CDC42BPA: variants seen among roughly 807,000 people sequenced by gnomAD.
CDC42BPA encodes CDC42 binding protein kinase alpha.
Under a neutral mutation model 223.5 loss-of-function variants are expected in CDC42BPA, and 80 were observed. That is an observed-to-expected ratio of 0.36 (90% confidence interval 0.30 to 0.43). The LOEUF (loss-of-function observed/expected upper bound fraction) is 0.43. CDC42BPA is among the 20% of genes least tolerant of loss of function. The pLI is 1.00. For synonymous variants in CDC42BPA, 694 were observed against 718.6 expected (o/e 0.97, Z 0.55); for missense variants, 1,743 against 2,099.9 (o/e 0.83, Z 3.32).
At chr1:227,207,091 C>A (rs1672880980) in intron 3 of CDC42BPA, among the ~76,000 whole-genome samples, 1 of 103,912 alleles carries the variant, frequency 9.6e-6, no homozygotes, top group Non-Finnish European at 1.9e-5. Context: ...CTCCCCCCAC[C>A]CCACAACAGT....
rs67257803 is a variant in CDC42BPA, at chr1:227,216,120, CTA to C, written c.271-2903_271-2902del. On this transcript the variant is annotated intron_variant, in intron 2 of 36. Transcript: ENST00000366766. The stretch of plus-strand genomic sequence containing the variant: ...ATGTACACTGTGACTTTTTCTCTCT[CTA>C]TATATATATATACACACACACACAC... 2.0e-3 allele frequency among the ~76,000 whole-genome samples: 274 copies of C among 136,628 alleles called. 4 individuals are homozygous for C. Among genetic ancestry groups the C allele is most frequent in the African/African-American group, 6.4e-3 (232 of 35,980 alleles). 89.6% of individuals were successfully genotyped at this position (136,628 alleles called of 152,430 possible).
chr1:227,300,659 T>C (rs986206064), intron 1 of CDC42BPA, among the ~76,000 whole-genome samples: 12 of 151,896 alleles, frequency 7.9e-5, no homozygotes, highest in Non-Finnish European at 1.2e-4. Context: ...ATAATGGAGG[T>C]GGAGACTCAG....
Position 226,994,193 on chromosome 1 carries a change from T to G in CDC42BPA, c.*75A>C, listed in dbSNP as rs1572116163. The stretch of plus-strand genomic sequence containing the variant: ...TGGCTTTCAGGCCGAGCAGGCGAGG[T>G]GGAGGGAAGAGATGAAAGTGAGAGG... On this transcript the variant is annotated 3_prime_UTR_variant, in exon 37 of 37. Coordinates refer to ENST00000366766, the MANE Select transcript of CDC42BPA (RefSeq NM_001394014.1). This position sits in a 1 kb window ranked among gnomAD's most constrained non-coding sequence, Gnocchi z 4.0. 3.5e-6 allele frequency: 5 copies of G among 1,440,734 alleles called. No individual in the cohort carries two copies. The highest frequency in any genetic ancestry group is 1.3e-5 in the South Asian group (1 of 78,556). 89.2% of individuals were successfully genotyped at this position (1,440,734 alleles called of 1,614,324 possible).
At chr1:227,282,920 T>C (rs971757013) in intron 1 of CDC42BPA, among the ~76,000 whole-genome samples, 1 of 152,220 alleles carries the variant, frequency 6.6e-6, no homozygotes, top group Non-Finnish European at 1.5e-5. Context: ...ATGATCAGGA[T>C]GGTTGCACAA....
At chr1:227,116,906 A>G (rs1258127422) in intron 12 of CDC42BPA, among the ~76,000 whole-genome samples, 4 of 152,184 alleles carry the variant, frequency 2.6e-5, no homozygotes, top group African/African-American at 4.8e-5. Flanking sequence ...CTCTGGGCTT[A>G]TATTTCCAGA....
intron 1 of CDC42BPA, among the ~76,000 whole-genome samples, chr1:227,300,355 C>T (rs1374158603): frequency 5.9e-5 from 9 of 152,304 alleles, no homozygotes; most frequent in Middle Eastern, 3.4e-3. Context: ...ATCAAAAACA[C>T]ACCTGCACAC....
At chr1:227,018,791 C>T (rs183656477) in intron 32 of CDC42BPA, among the ~76,000 whole-genome samples, 10 of 152,312 alleles carry the variant, frequency 6.6e-5, no homozygotes, top group African/African-American at 2.2e-4. Context: ...TTACATTATA[C>T]TGTAGTCTGT....
At chr1:227,108,344 A>G (rs566953867) in intron 14 of CDC42BPA, among the ~76,000 whole-genome samples, 2 of 151,114 alleles carry the variant, frequency 1.3e-5, no homozygotes, top group East Asian at 1.9e-4. Context: ...CTGGTGATTT[A>G]TTCTTTGACC....
chr1:227,307,008 T>C (rs561743290), intron 1 of CDC42BPA, among the ~76,000 whole-genome samples: 3 of 152,228 alleles, frequency 2.0e-5, no homozygotes, highest in Non-Finnish European at 2.9e-5. Context: ...CTAATTAGCA[T>C]TGTTCTATTT....
intron 5 of CDC42BPA, among the ~76,000 whole-genome samples, chr1:227,168,500 T>TTTTTTTTTTG (rs1558662948): frequency 3.2e-5 from 4 of 123,650 alleles, no homozygotes; most frequent in Non-Finnish European, 6.8e-5. Context: ...CCCTGGTGTT[T>TTTTTTTTTTG]TTTTTTTTTT....
Position 227,060,020 on chromosome 1 carries a change from G to GT in CDC42BPA, c.2905-8036dup, listed in dbSNP as rs143944932. Among the ~76,000 whole-genome samples the GT allele has an allele frequency of 3.1e-3, 291 of 94,102 alleles. 1 individual carries two copies. Among genetic ancestry groups the GT allele is most frequent in the African/African-American group, 0.011 (220 of 20,314 alleles). The allele number at this position is 94,102 out of a possible 152,430, so 61.7% of individuals were successfully genotyped here. On this transcript the variant is annotated intron_variant, in intron 21 of 36. Coordinates refer to ENST00000366766, the MANE Select transcript of CDC42BPA (RefSeq NM_001394014.1). ...AAAAAAGGAACAATTATCTCAAAAA[G>GT]TTTTTTTTTGTTTTTTTTTTTTTTT...
rs61836501 is a variant in CDC42BPA at position 227,155,594 on chromosome 1, G to A, written c.693+4949C>T. ...AAGACTCCAGTATGAATATCTCCAT[G>A]GGAAAAAAAGGAACTGCTAAATTCC... On this transcript the variant is annotated intron_variant, in intron 6 of 36. Coordinates refer to ENST00000366766, the MANE Select transcript of CDC42BPA (RefSeq NM_001394014.1). Among the ~76,000 whole-genome samples the A allele has an allele frequency of 2.3e-3, 345 of 152,128 alleles. 2 individuals carry two copies. The highest frequency in any genetic ancestry group is 8.8e-3 in the Admixed American group (135 of 15,284).
rs749841288 is a variant in CDC42BPA, at chr1:226,994,960, T to A, written c.4996A>T (p.Ser1666Cys). 6.2e-7 allele frequency: 1 copy of A among 1,613,826 alleles called. No individual in the cohort carries two copies. The highest frequency in any genetic ancestry group is 1.1e-5 in the South Asian group (1 of 91,064). Reference sequence around the variant, plus strand: ...CCAGAGAATTCCCTCTTTAATGCGCTGCCATTCTGTGCGGATGACCCTACA... The same window carrying A: ...CCAGAGAATTCCCTCTTTAATGCGCAGCCATTCTGTGCGGATGACCCTACA... Reference protein sequence around the residue: ...LSARSSAQNGSALKREFSGGS... With the variant: ...LSARSSAQNGCALKREFSGGS... Residue 1666 changes from serine (S) to cysteine (C), a missense_variant, in exon 36 of 37, where the codon AGC becomes TGC. Physicochemically the swap from Ser to Cys is moderately radical, Grantham distance 112. Transcript: ENST00000366766. The surrounding 1 kb of genome is among the most constrained non-coding windows in gnomAD (Gnocchi z 4.0).
At chr1:227,093,605 C>A (rs937252950) in intron 15 of CDC42BPA, among the ~76,000 whole-genome samples, 1 of 152,148 alleles carries the variant, frequency 6.6e-6, no homozygotes, top group Non-Finnish European at 1.5e-5. Context: ...TATAGTTCAA[C>A]AATGTACAGC....
At position 227,142,624 on chromosome 1, in the gene CDC42BPA, C is replaced by CT. The variant is rs71681093; in HGVS notation, c.1223+320dup. Among the ~76,000 whole-genome samples, 834 of 147,924 alleles carry CT rather than the reference C, an allele frequency of 5.6e-3. 4 individuals are homozygous for CT. The highest frequency in any genetic ancestry group is 0.017 in the African/African-American group (668 of 40,424). On this transcript the variant is annotated intron_variant, in intron 9 of 36. Transcript: ENST00000366766. ...CTTTAAATTGTCCAAACTATGTTAA[C>CT]TTTTTTTTTTTTTAAGACAGAGTCT...
chr1:227,281,557 G>A (rs1005510151), intron 1 of CDC42BPA, among the ~76,000 whole-genome samples: 5 of 152,150 alleles, frequency 3.3e-5, no homozygotes, highest in African/African-American at 1.2e-4. Context: ...ACGCTTGCCA[G>A]TCTCCAGCTG....
chr1:227,035,347 T>C (rs1670025008), intron 25 of CDC42BPA, 124 bp downstream of exon 25: 2 of 693,638 alleles, frequency 2.9e-6, no homozygotes, highest in Non-Finnish European at 4.6e-6. Context: ...GAAATAAAAT[T>C]ATTAGATGAA....
At chr1:227,174,819 A>T (rs1420644772) in intron 5 of CDC42BPA, among the ~76,000 whole-genome samples, 1 of 152,208 alleles carries the variant, frequency 6.6e-6, no homozygotes, top group East Asian at 1.9e-4. Context: ...TTTAAGATTT[A>T]AAACAAAGAT....
At chr1:227,054,754 A>C (rs1218974274) in intron 21 of CDC42BPA, among the ~76,000 whole-genome samples, 3 of 152,184 alleles carry the variant, frequency 2.0e-5, no homozygotes, top group South Asian at 2.1e-4. Flanking sequence ...CAAATTTAAA[A>C]GTGATTTTCT....
Sources: gnomAD v4.1 joint callset for allele counts (sites outside exome capture counted in the v4.1 genomes callset) on GRCh38, gnomAD v4.1.1 for gene constraint, Gnocchi (gnomAD v3.1) non-coding constraint, MANE v1.5 for transcripts, NCBI Gene and HGNC (gene_info 2026-07-23, HGNC 2026-07-21) for gene names.